The following PPP1R9A variants were observed in gnomAD, a reference collection of about 807,000 sequenced individuals.
The protein encoded by PPP1R9A is neurabin-1.
A neutral mutation model predicts 141.9 loss-of-function variants in PPP1R9A; 59 were observed. The observed-to-expected ratio is 0.42, with a 90% CI of 0.34 to 0.52. The LOEUF (loss-of-function observed/expected upper bound fraction) is 0.52. Among genes scored for constraint, PPP1R9A ranks in the 20% least tolerant of loss-of-function variants. The pLI, the probability that PPP1R9A is intolerant of heterozygous loss-of-function variation, is 0.10. For missense variants in PPP1R9A, 1,444 were observed against 1,611.9 expected, an observed-to-expected ratio of 0.90 and a Z score of 1.78; for synonymous variants, 500 against 569.7, an observed-to-expected ratio of 0.88 and a Z score of 1.74.
At chr7:95,191,055 C>T (rs959120896) in intron 5 of PPP1R9A, among the ~76,000 whole-genome samples, 3 of 152,200 alleles carry the variant, frequency 2.0e-5, no homozygotes, top group African/African-American at 7.2e-5. Flanking sequence ...TCGTCATTTA[C>T]ATGGAACATG....
chr7:95,013,851 A>C (rs1804750054), intron 2 of PPP1R9A, among the ~76,000 whole-genome samples: 1 of 152,042 alleles, frequency 6.6e-6, no homozygotes, highest in Admixed American at 6.6e-5. Flanking sequence ...TACTTTTCTA[A>C]CTTTTTGTTT....
At chr7:95,242,964 A>T (rs1797662846) in intron 8 of PPP1R9A, among the ~76,000 whole-genome samples, 1 of 152,152 alleles carries the variant, frequency 6.6e-6, no homozygotes, top group South Asian at 2.1e-4. Context: ...CTGTACTTTG[A>T]AAAGGTTATT....
intron 18 of PPP1R9A, among the ~76,000 whole-genome samples, chr7:95,287,647 T>A (rs1319960359): frequency 1.3e-5 from 2 of 152,164 alleles, no homozygotes; most frequent in Non-Finnish European, 2.9e-5. Flanking sequence ...CTGTGTGATC[T>A]TGGGCAGATC....
At chr7:94,950,431 T>A (rs1796345440) in intron 2 of PPP1R9A, among the ~76,000 whole-genome samples, 1 of 152,076 alleles carries the variant, frequency 6.6e-6, no homozygotes, top group South Asian at 2.1e-4. Context: ...GGGCAAGTTT[T>A]CTCATCTTGT....
intron 2 of PPP1R9A, among the ~76,000 whole-genome samples, chr7:94,915,859 A>C (rs1488545689): frequency 1.3e-5 from 2 of 152,080 alleles, no homozygotes; most frequent in African/African-American, 4.8e-5. Flanking sequence ...TGACAAATAC[A>C]CTTAGGTACA....
In PPP1R9A at chr7:95,247,520, G is replaced by T; in HGVS notation, c.2160G>T (p.Lys720Asn). 2 of 1,607,326 alleles carry T rather than the reference G, an allele frequency of 1.2e-6. No homozygotes were observed. The highest frequency in any genetic ancestry group is 2.2e-5 in the South Asian group (2 of 90,330). ...CAGAAGCAGAGATTCAAAAATTGAAGACCAAGGTAAGCACCGAAACATGGT... is the reference window on the plus strand; with the variant it reads ...CAGAAGCAGAGATTCAAAAATTGAATACCAAGGTAAGCACCGAAACATGGT... ...AVTEAEIQKL[K>N]TKLQAAENEK... Residue 720 changes from lysine (K) to asparagine (N), a missense_variant, in exon 9 of 20, where the codon AAG (lysine) becomes AAT (asparagine). Around this residue, in one of 5 missense-constraint regions of PPP1R9A, gnomAD observed 488 missense variants for 542.0 expected, o/e 0.90. Coordinates refer to ENST00000433360, the MANE Select transcript of PPP1R9A (RefSeq NM_001166160.2).
intron 4 of PPP1R9A, among the ~76,000 whole-genome samples, chr7:95,159,586 TA>T (rs1332317315): frequency 1.3e-5 from 2 of 151,898 alleles, no homozygotes; most frequent in Non-Finnish European, 2.9e-5. Flanking sequence ...TAGAGACAAA[TA>T]ATAAATGGGC....
At chr7:94,955,558 G>T (rs1796993835) in intron 2 of PPP1R9A, among the ~76,000 whole-genome samples, 1 of 151,980 alleles carries the variant, frequency 6.6e-6, no homozygotes, top group Admixed American at 6.6e-5. Flanking sequence ...AACTTGACTT[G>T]TGTTAATTTT....
intron 2 of PPP1R9A, among the ~76,000 whole-genome samples, chr7:95,082,526 G>A (rs932196032): frequency 2.0e-5 from 3 of 151,868 alleles, no homozygotes; most frequent in Admixed American, 6.6e-5. Context: ...AACTGCTAGA[G>A]GCTTGGAGTG....
intron 2 of PPP1R9A, among the ~76,000 whole-genome samples, chr7:95,055,668 A>G (rs1811404186): frequency 6.6e-6 from 1 of 152,050 alleles, no homozygotes; most frequent in Admixed American, 6.6e-5. Flanking sequence ...AGTCATGTTA[A>G]TTCTGCATCA....
At chr7:95,072,454 AC>A (rs1460388329) in intron 2 of PPP1R9A, among the ~76,000 whole-genome samples, 3 of 143,704 alleles carry the variant, frequency 2.1e-5, no homozygotes, top group Non-Finnish European at 4.5e-5. Flanking sequence ...TTCAATTGTG[AC>A]TATACACTAA....
intron 5 of PPP1R9A, among the ~76,000 whole-genome samples, chr7:95,170,027 G>A (rs1831870025): frequency 6.6e-6 from 1 of 151,764 alleles, no homozygotes; most frequent in Non-Finnish European, 1.5e-5. Flanking sequence ...AGTATGATAA[G>A]TAGATACAGA....
chr7:95,116,046 A>C (rs1821449943), intron 3 of PPP1R9A, among the ~76,000 whole-genome samples: 1 of 152,146 alleles, frequency 6.6e-6, no homozygotes, highest in African/African-American at 2.4e-5. Flanking sequence ...TAAATTTTTT[A>C]AATTTCATGT....
chr7:95,220,264 T>C (rs1465206489), intron 7 of PPP1R9A, among the ~76,000 whole-genome samples: 2 of 152,124 alleles, frequency 1.3e-5, no homozygotes, highest in Non-Finnish European at 2.9e-5. Context: ...GACGTTTTCC[T>C]CCTCCAGGGA....
At chr7:94,935,121 T>C (rs1265430456) in intron 2 of PPP1R9A, among the ~76,000 whole-genome samples, 1 of 152,196 alleles carries the variant, frequency 6.6e-6, no homozygotes, top group Non-Finnish European at 1.5e-5. Context: ...CATACGAATT[T>C]TATGTTCATG....
At position 95,203,721 on chromosome 7, in the gene PPP1R9A, T is replaced by A; in HGVS notation, c.1947T>A (p.Tyr649Ter). 1.3e-6 allele frequency: 2 copies of A among 1,535,874 alleles called. No homozygotes were observed. The highest frequency in any genetic ancestry group is 1.7e-6 in the Non-Finnish European group (2 of 1,145,894). Residue 649 changes from tyrosine to a stop codon, truncating the protein, a stop_gained, in exon 7 of 20, where the codon TAT becomes TAA. Transcript: ENST00000433360. LOFTEE classifies it high-confidence loss of function. ...GCAACTGCAATAACAATAACAACTA[T>A]TTTCTTAAGGTTTGTTTTTTGGTTT... ...MSGNCNNNNN[Y>*]FLKTGEYATD...
intron 16 of PPP1R9A, among the ~76,000 whole-genome samples, chr7:95,283,790 C>G (rs1804734648): frequency 1.3e-5 from 2 of 152,114 alleles, no homozygotes; most frequent in African/African-American, 2.4e-5. Context: ...TAAAAATTCA[C>G]CATGGCAATA....
chr7:94,993,547 G>A (rs1002642443), intron 2 of PPP1R9A, among the ~76,000 whole-genome samples: 2 of 152,052 alleles, frequency 1.3e-5, no homozygotes, highest in African/African-American at 4.8e-5. Context: ...TATTTGTATA[G>A]GTCTCTTTAA....
intron 2 of PPP1R9A, among the ~76,000 whole-genome samples, chr7:95,082,395 A>G (rs1815997656): frequency 1.3e-5 from 2 of 150,504 alleles, no homozygotes; most frequent in African/African-American, 5.0e-5. Flanking sequence ...TGTGTAAGCC[A>G]GAAGTGGAGG....
Sources: allele counts gnomAD v4.1 joint callset (sites outside exome capture counted in the v4.1 genomes callset), GRCh38; gene constraint gnomAD v4.1.1; regional missense constraint gnomAD v4.1.1; transcripts MANE v1.5; gene names NCBI Gene and HGNC (gene_info 2026-07-23, HGNC 2026-07-21).